SLC25A24: variants seen among roughly 807,000 people sequenced by gnomAD.
SLC25A24 encodes solute carrier family 25 member 24.
Under a neutral mutation model 60.7 loss-of-function variants are expected in SLC25A24, and 49 were observed. That is an observed-to-expected ratio of 0.81 (90% CI 0.64 to 1.02). The LOEUF (loss-of-function observed/expected upper bound fraction) is 1.02, where lower values mean the gene tolerates loss of function less well. SLC25A24 is among the 50% of genes least tolerant of loss of function. The pLI, the probability that SLC25A24 is intolerant of heterozygous loss-of-function variation, is 0.00. For synonymous variants in SLC25A24, 202 were observed against 200.6 expected (o/e 1.01, Z -0.06); for missense variants, 564 against 586.3 (o/e 0.96, Z 0.39).
chr1:108,165,248 G>A (rs1680212958), intron 3 of SLC25A24, among the ~76,000 whole-genome samples: 1 of 152,160 alleles, frequency 6.6e-6, no homozygotes, highest in Non-Finnish European at 1.5e-5. Context: ...GTGGTGTGGT[G>A]CTGAAAAAAA....
chr1:108,182,024 T>G lies in SLC25A24; in HGVS notation c.315A>C (p.Lys105Asn). The change falls in exon 3 of 10, where the codon AAA becomes AAC. Residue 105 changes from lysine (K) to asparagine (N), a missense_variant. Lys to Asn is a moderately conservative substitution (Grantham distance 94). Transcript: ENST00000565488. ...FKSLDKNNDG[K>N]IEASEIVQSL... ...ACTGGACAATTTCTGAAGCCTCAAT[T>G]TTTCCTTTAAAAAAATAAAAAGGGC... 1 of 1,605,300 alleles carries G rather than the reference T, an allele frequency of 6.2e-7. No individual in the cohort carries two copies. Among genetic ancestry groups the G allele is most frequent in the East Asian group, 2.2e-5 (1 of 44,746 alleles).
At position 108,192,532 on chromosome 1, in the gene SLC25A24, C is replaced by T. The variant is rs1007628899; in HGVS notation, c.184-6578G>A. 5 of 1,498,984 alleles carry T rather than the reference C, an allele frequency of 3.3e-6. 2 individuals carry two copies. Among genetic ancestry groups the T allele is most frequent in the Non-Finnish European group, 4.5e-6 (5 of 1,113,996 alleles). The allele number at this position is 1,498,984 out of a possible 1,614,324, so 92.9% of individuals were successfully genotyped here. A position where few individuals can be genotyped will look rare whatever the true frequency, so the allele number is the denominator to read the frequency against. On this transcript the variant is annotated intron_variant, in intron 1 of 9. Coordinates refer to ENST00000565488, the MANE Select transcript of SLC25A24 (RefSeq NM_013386.5). ...CTAGAGATTGAATGGCCCCTACATC[C>T]TCCAGGCCTTCCTGAAGCTCAAAAA...
At chr1:108,177,724 T>C (rs1242015969) in intron 3 of SLC25A24, among the ~76,000 whole-genome samples, 4 of 152,238 alleles carry the variant, frequency 2.6e-5, no homozygotes, top group South Asian at 2.1e-4. Flanking sequence ...TAGTAAGTTA[T>C]ATGAAGGTAC....
chr1:108,161,960 C>A (rs1680099361), intron 3 of SLC25A24, among the ~76,000 whole-genome samples: 1 of 132,028 alleles, frequency 7.6e-6, no homozygotes, highest in South Asian at 2.8e-4. Flanking sequence ...CCCCACCCCA[C>A]AACAGTCCCC....
At position 108,200,069 on chromosome 1, in the gene SLC25A24, A is replaced by G; in HGVS notation, c.70T>C (p.Tyr24His). Residue 24 changes from tyrosine to histidine, a missense_variant, in exon 1 of 10, where the codon TAC becomes CAC. By Grantham distance (83) the Tyr-to-His change is moderately conservative (BLOSUM62 2). Coordinates refer to ENST00000565488, the MANE Select transcript of SLC25A24 (RefSeq NM_013386.5). ...TCCAGTGCCTGGAAGAGGGTCTCGT[A>G]GCGCGTCGGCTGCTCCGCGTCCTGG... ...ACQDAEQPTR[Y>H]ETLFQALDRN... 1 of 1,594,792 alleles carries G rather than the reference A, an allele frequency of 6.3e-7. No homozygotes were observed. The highest frequency in any genetic ancestry group is 8.5e-7 in the Non-Finnish European group (1 of 1,171,284).
At chr1:108,174,695 G>C (rs1647609142) in intron 3 of SLC25A24, among the ~76,000 whole-genome samples, 1 of 152,162 alleles carries the variant, frequency 6.6e-6, no homozygotes, top group Non-Finnish European at 1.5e-5. Context: ...AGAGCCAGAA[G>C]GGGGTCTGTA....
chr1:108,160,796 G>A (rs1376007303), intron 4 of SLC25A24, among the ~76,000 whole-genome samples: 5 of 152,348 alleles, frequency 3.3e-5, no homozygotes, highest in Admixed American at 6.5e-5. Flanking sequence ...AAAAAAATAC[G>A]AAAAACAGTC....
intron 6 of SLC25A24, among the ~76,000 whole-genome samples, chr1:108,150,255 C>T (rs1022430040): frequency 6.6e-5 from 10 of 152,062 alleles, no homozygotes; most frequent in South Asian, 6.2e-4. Context: ...TCCTATTCCC[C>T]GAAACATACC....
chr1:108,173,475 T>C (rs1046981633), intron 3 of SLC25A24, among the ~76,000 whole-genome samples: 3 of 152,190 alleles, frequency 2.0e-5, no homozygotes. Flanking sequence ...AAACTGTGAG[T>C]CAATTAAACC....
intron 3 of SLC25A24, among the ~76,000 whole-genome samples, chr1:108,164,470 T>G (rs1278677192): frequency 1.3e-5 from 2 of 151,378 alleles, no homozygotes; most frequent in African/African-American, 2.4e-5. Flanking sequence ...CAATTTCAGA[T>G]CCTGTTATTG....
chr1:108,187,927 G>GATAGATATATATATATATATGTATATAT, intron 1 of SLC25A24, among the ~76,000 whole-genome samples: 1 of 95,748 alleles, frequency 1.0e-5, no homozygotes, highest in African/African-American at 4.2e-5. Context: ...AGACATTATA[G>GATAGATATATATATATATATGTATATAT]ATATATATAT....
At chr1:108,178,163 A>AAACAAC (rs55990865) in intron 3 of SLC25A24, among the ~76,000 whole-genome samples, 2,326 of 150,124 alleles carry the variant, frequency 0.015, 35 homozygotes, top group Middle Eastern at 0.042. Context: ...TCCGTCTCAA[A>AAACAAC]AACAACAACA....
rs573579025 is a variant in SLC25A24 at position 108,149,242 on chromosome 1, C to T, written c.823-856G>A. ...CCTATCAAGCCCAGCATCTCCCTGG[C>T]TATCAGTACTAAAGTGACCCAACAT... On this transcript the variant is annotated intron_variant, in intron 6 of 9. Transcript: ENST00000565488. 3.3e-5 allele frequency among the ~76,000 whole-genome samples: 5 copies of T among 152,328 alleles called. No individual in the cohort carries two copies. The South Asian group carries it at 1.0e-3, about 32-fold the overall frequency.
At chr1:108,151,725 CT>C (rs1679762586) in intron 6 of SLC25A24, among the ~76,000 whole-genome samples, 1 of 152,210 alleles carries the variant, frequency 6.6e-6, no homozygotes, top group Admixed American at 6.5e-5. Context: ...AAAGATCTCT[CT>C]CTTAATGGCT....
chr1:108,152,627 G>A lies in SLC25A24; in HGVS notation c.822+2356C>T, dbSNP rs570792540. Among the ~76,000 whole-genome samples the A allele has an allele frequency of 3.9e-5, 6 of 152,332 alleles. No individual in the cohort carries two copies. In the South Asian group the frequency reaches 8.3e-4, roughly 21 times the overall value. On this transcript the variant is annotated intron_variant, in intron 6 of 9. Transcript: ENST00000565488. ...CTCCTAAAGTGCTGGGATTAGAGGC[G>A]TGAGCCACCACGCCCGGCTCCCCTT...
chr1:108,168,691 C>T (rs1238906807), intron 3 of SLC25A24, among the ~76,000 whole-genome samples: 1 of 152,148 alleles, frequency 6.6e-6, no homozygotes, highest in South Asian at 2.1e-4. Flanking sequence ...TTTTTCTAAC[C>T]GGTTGTATGT....
chr1:108,170,692 CTAT>C (rs893504651), intron 3 of SLC25A24, among the ~76,000 whole-genome samples: 1 of 151,722 alleles, frequency 6.6e-6, no homozygotes, highest in African/African-American at 2.4e-5. Flanking sequence ...ACTATATAAT[CTAT>C]TATTAATAGA....
rs55990865 is a variant in SLC25A24, at chr1:108,178,163, AAAC to A, written c.398+3775_398+3777del. Among the ~76,000 whole-genome samples, 341 of 150,140 alleles carry A rather than the reference AAAC, an allele frequency of 2.3e-3. 2 individuals carry two copies. The highest frequency in any genetic ancestry group is 7.7e-3 in the African/African-American group (312 of 40,674). On this transcript the variant is annotated intron_variant, in intron 3 of 9. Coordinates refer to ENST00000565488, the MANE Select transcript of SLC25A24 (RefSeq NM_013386.5). ...GTGACAGAGTGAGACTCCGTCTCAA[AAAC>A]AACAACAACAACAACAACAACAAAT...
chr1:108,196,945 TC>T (rs1648516897), intron 1 of SLC25A24, among the ~76,000 whole-genome samples: 1 of 152,232 alleles, frequency 6.6e-6, no homozygotes, highest in Non-Finnish European at 1.5e-5. Context: ...AAATACTGTA[TC>T]TCCTTGTTCT....
Sources: allele counts gnomAD v4.1 joint callset (sites outside exome capture counted in the v4.1 genomes callset), GRCh38; gene constraint gnomAD v4.1.1; transcripts MANE v1.5; gene names NCBI Gene and HGNC (gene_info 2026-07-23, HGNC 2026-07-21).